Variants in NRXN3 observed in about 807,000 individuals in gnomAD.
NRXN3 encodes neurexin 3.
Under a neutral mutation model 137.6 loss-of-function variants are expected in NRXN3, and 32 were observed. The ratio of observed to expected loss-of-function variants is 0.23; its 90% CI spans 0.18 to 0.31. The LOEUF is 0.31. Among genes scored for constraint, NRXN3 ranks in the 10% least tolerant of loss-of-function variants. The pLI, the probability that NRXN3 is intolerant of heterozygous loss-of-function variation, is 1.00. For missense variants in NRXN3, 1,574 were observed against 2,062.5 expected (o/e 0.76, Z 4.59); for synonymous variants, 798 against 784.5 (o/e 1.02, Z -0.29).
chr14:79,808,104 G>A (rs1186570300), intron 20 of NRXN3, among the ~76,000 whole-genome samples: 3 of 151,894 alleles, frequency 2.0e-5, no homozygotes, highest in African/African-American at 4.8e-5. Flanking sequence ...CAGGCGTGGT[G>A]GCAGGCGCCT....
intron 14 of NRXN3, among the ~76,000 whole-genome samples, chr14:78,968,756 T>A (rs1298865010): frequency 6.6e-6 from 1 of 152,208 alleles, no homozygotes; most frequent in Non-Finnish European, 1.5e-5. Flanking sequence ...ATAAAATGTT[T>A]CTTATTTTGG....
intron 1 of NRXN3, among the ~76,000 whole-genome samples, chr14:78,196,473 TG>T (rs1944067532): frequency 6.6e-6 from 1 of 152,218 alleles, no homozygotes; most frequent in Non-Finnish European, 1.5e-5. Context: ...CTTCTTGTGC[TG>T]GGTAGAAAAG....
chr14:78,576,963 C>A (rs1200232281), intron 4 of NRXN3, among the ~76,000 whole-genome samples: 3 of 152,158 alleles, frequency 2.0e-5, no homozygotes, highest in Non-Finnish European at 2.9e-5. Flanking sequence ...TGATTTATGA[C>A]CTTCTGTCTG....
At chr14:79,688,852 A>AT (rs1360736696) in intron 17 of NRXN3, among the ~76,000 whole-genome samples, 1 of 152,178 alleles carries the variant, frequency 6.6e-6, no homozygotes. Flanking sequence ...CCAAATGTAT[A>AT]ATGTTCTCAA....
At chr14:78,239,751 G>A (rs1054526332) in intron 1 of NRXN3, among the ~76,000 whole-genome samples, 2 of 152,074 alleles carry the variant, frequency 1.3e-5, no homozygotes, top group Admixed American at 6.6e-5. Context: ...TGGAACAAGT[G>A]GATGGAGTAC....
intron 8 of NRXN3, among the ~76,000 whole-genome samples, chr14:78,792,447 A>G (rs2098808679): frequency 6.6e-6 from 1 of 152,116 alleles, no homozygotes; most frequent in Non-Finnish European, 1.5e-5. Context: ...AATCACAGAG[A>G]AACTGAGATA....
chr14:78,890,988 A>G (rs1348913542), intron 10 of NRXN3, among the ~76,000 whole-genome samples: 1 of 152,006 alleles, frequency 6.6e-6, no homozygotes, highest in African/African-American at 2.4e-5. Flanking sequence ...ACCAACGGTA[A>G]TAAGTAGTAT....
intron 1 of NRXN3, among the ~76,000 whole-genome samples, chr14:78,225,657 A>AT (rs2064454391): frequency 6.6e-6 from 1 of 151,806 alleles, no homozygotes; most frequent in African/African-American, 2.4e-5. Flanking sequence ...TTAGCCTTAC[A>AT]TTTTTTTCCC....
chr14:79,284,269 G>T (rs998395875), intron 15 of NRXN3, among the ~76,000 whole-genome samples: 28 of 146,850 alleles, frequency 1.9e-4, no homozygotes, highest in Non-Finnish European at 3.6e-4. Flanking sequence ...AGGCCGAGGT[G>T]GGGGGATCAC....
chr14:78,210,036 A>C (rs1257462545), intron 1 of NRXN3, among the ~76,000 whole-genome samples: 1 of 152,246 alleles, frequency 6.6e-6, no homozygotes, highest in Non-Finnish European at 1.5e-5. Context: ...CCTGACACAT[A>C]ATAAGTGCTT....
intron 19 of NRXN3, among the ~76,000 whole-genome samples, chr14:79,761,585 C>T (rs1387098066): frequency 2.0e-5 from 3 of 147,362 alleles, no homozygotes; most frequent in Admixed American, 6.8e-5. Flanking sequence ...CTCAGCTACT[C>T]GGGAGGCTGA....
chr14:78,981,062 T>C (rs2099488142), intron 14 of NRXN3, among the ~76,000 whole-genome samples: 1 of 152,180 alleles, frequency 6.6e-6, no homozygotes, highest in Non-Finnish European at 1.5e-5. Context: ...TCTTAGAATG[T>C]CTGGAATTTT....
intron 1 of NRXN3, among the ~76,000 whole-genome samples, chr14:78,183,727 A>G (rs2060005909): frequency 6.6e-6 from 1 of 152,150 alleles, no homozygotes; most frequent in African/African-American, 2.4e-5. Context: ...AGAAGCTAGA[A>G]GTGGGCAGGC....
intron 15 of NRXN3, among the ~76,000 whole-genome samples, chr14:79,018,260 C>CAAA (rs1163466834): frequency 1.7e-4 from 4 of 23,160 alleles, no homozygotes; most frequent in Admixed American, 6.0e-4. Context: ...AACTCTGTCT[C>CAAA]AAAAAAAAAA....
intron 4 of NRXN3, among the ~76,000 whole-genome samples, chr14:78,354,022 G>C (rs547882101): frequency 6.6e-6 from 1 of 152,268 alleles, no homozygotes; most frequent in Admixed American, 6.5e-5. Flanking sequence ...CTTCATTTCT[G>C]ATTGATATTT....
At chr14:78,707,104 T>C (rs1243372143) in intron 6 of NRXN3, among the ~76,000 whole-genome samples, 1 of 152,210 alleles carries the variant, frequency 6.6e-6, no homozygotes, top group East Asian at 1.9e-4. Flanking sequence ...TGTGCCCTTA[T>C]GATATTGCAT....
intron 2 of NRXN3, among the ~76,000 whole-genome samples, chr14:78,246,134 T>G (rs909370894): frequency 1.1e-4 from 16 of 152,240 alleles, no homozygotes; most frequent in African/African-American, 3.9e-4. Context: ...TGTTGTTAGC[T>G]TGCTGATTAT....
At chr14:78,380,140 C>T (rs1251568025) in intron 4 of NRXN3, among the ~76,000 whole-genome samples, 1 of 151,938 alleles carries the variant, frequency 6.6e-6, no homozygotes, top group African/African-American at 2.4e-5. Context: ...CATATCATGA[C>T]TTGGAAGACT....
intron 4 of NRXN3, among the ~76,000 whole-genome samples, chr14:78,555,568 A>G (rs1340494314): frequency 6.6e-6 from 1 of 152,238 alleles, no homozygotes; most frequent in Non-Finnish European, 1.5e-5. Flanking sequence ...CTCAAAGGAT[A>G]CAACTTTTGA....
Sources: allele counts gnomAD v4.1 joint callset (sites outside exome capture counted in the v4.1 genomes callset), GRCh38; gene constraint gnomAD v4.1.1; transcripts MANE v1.5; gene names NCBI Gene and HGNC (gene_info 2026-07-23, HGNC 2026-07-21).